Variants in IL1RAPL1 observed in about 807,000 individuals in gnomAD.
The protein encoded by IL1RAPL1 is interleukin 1 receptor accessory protein like 1, also known as interleukin-1 receptor accessory protein-like 1.
A neutral mutation model predicts 48.4 loss-of-function variants in IL1RAPL1; 3 were observed. The ratio of observed to expected loss-of-function variants is 0.06; its 90% CI spans 0.03 to 0.16. The LOEUF (loss-of-function observed/expected upper bound fraction) is 0.16, where lower values mean the gene tolerates loss of function less well. IL1RAPL1 is among the 10% of genes least tolerant of loss of function. The probability of loss-of-function intolerance (pLI) is 1.00; values close to 1 mark genes in which losing one functional copy is unlikely to be tolerated. For synonymous variants in IL1RAPL1, 185 were observed against 187.7 expected (o/e 0.99, Z 0.12); for missense variants, 349 against 530.6 (o/e 0.66, Z 3.36).
intron 2 of IL1RAPL1, among the ~76,000 whole-genome samples, chrX:29,159,412 C>G (rs1196968250): frequency 9.0e-6 from 1 of 111,547 alleles, no homozygotes; most frequent in Non-Finnish European, 1.9e-5. Context: ...TGCAGATATT[C>G]AATCTAGAGT....
chrX:28,807,535 A>G lies in IL1RAPL1; in HGVS notation c.82+18110A>G, dbSNP rs755823533. ...TATAATGAATTTCATTTGTGCAGTT[A>G]TTTTAATTTTTGATTACACTTTTTG... On this transcript the variant is annotated intron_variant, in intron 2 of 10. Transcript: ENST00000378993. 4.2e-4 allele frequency among the ~76,000 whole-genome samples: 47 copies of G among 111,407 alleles called. 1 individual carries two copies. The highest frequency in any genetic ancestry group is 5.8e-4 in the Admixed American group (6 of 10,419).
At chrX:29,480,808 TTAATGTTATTAACATAA>T (rs1466764159) in intron 5 of IL1RAPL1, among the ~76,000 whole-genome samples, 1 of 111,470 alleles carries the variant, frequency 9.0e-6, no homozygotes, top group Non-Finnish European at 1.9e-5. Context: ...TACATAATAG[TTAATGTTATTAACATAA>T]TAGTTTGCTA....
intron 3 of IL1RAPL1, among the ~76,000 whole-genome samples, chrX:29,337,957 G>C (rs1432607636): frequency 8.9e-6 from 1 of 111,900 alleles, no homozygotes; most frequent in Non-Finnish European, 1.9e-5. Flanking sequence ...TTACAGGCGT[G>C]AGCCACTGCA....
rs144136891 is a variant in IL1RAPL1, at chrX:29,016,842, T to A, written c.82+227417T>A. 2.6e-3 allele frequency among the ~76,000 whole-genome samples: 291 copies of A among 111,380 alleles called. 1 individual carries two copies. Among genetic ancestry groups the A allele is most frequent in the Middle Eastern group, 9.3e-3 (2 of 215 alleles). ...ATGCATATATTGTGCAGTGGTGAAG[T>A]CCACGCAGAGTAAAACATATATACA... On this transcript the variant is annotated intron_variant, in intron 2 of 10. Coordinates refer to ENST00000378993, the MANE Select transcript of IL1RAPL1 (RefSeq NM_014271.4).
intron 2 of IL1RAPL1, among the ~76,000 whole-genome samples, chrX:29,200,458 C>A (rs991651418): frequency 5.4e-5 from 6 of 111,950 alleles, no homozygotes; most frequent in Non-Finnish European, 3.8e-5. Flanking sequence ...TATTTGGCAT[C>A]TTTGAATATA....
chrX:28,626,936 A>C (rs537934237), intron 1 of IL1RAPL1, among the ~76,000 whole-genome samples: 7 of 112,106 alleles, frequency 6.2e-5, no homozygotes, highest in Admixed American at 1.9e-4. Context: ...TAGATTAATA[A>C]CTGGCTTAAA....
At chrX:29,840,526 A>G in intron 6 of IL1RAPL1, among the ~76,000 whole-genome samples, 2 of 112,304 alleles carry the variant, frequency 1.8e-5, no homozygotes, top group South Asian at 7.4e-4. Context: ...AATAAAAAAT[A>G]TATTTCACCA....
intron 2 of IL1RAPL1, among the ~76,000 whole-genome samples, chrX:28,990,660 G>A (rs1166357284): frequency 1.8e-5 from 2 of 111,463 alleles, no homozygotes; most frequent in Admixed American, 1.9e-4. Context: ...GCCAGTGACC[G>A]TCTGTTGAGA....
intron 2 of IL1RAPL1, among the ~76,000 whole-genome samples, chrX:29,087,519 G>A (rs1250197396): frequency 9.9e-5 from 11 of 111,357 alleles, no homozygotes; most frequent in African/African-American, 3.6e-4. Context: ...GAGACCAAGG[G>A]TTTGTTGCTA....
chrX:29,226,021 GGT>G (rs967444015), intron 2 of IL1RAPL1, among the ~76,000 whole-genome samples: 1 of 111,516 alleles, frequency 9.0e-6, no homozygotes, highest in African/African-American at 3.3e-5. Context: ...ACTCCCAGGT[GGT>G]GTCAATGCCA....
chrX:29,076,794 G>GTCTATCTATCTATCTA (rs770331923), intron 2 of IL1RAPL1, among the ~76,000 whole-genome samples: 4 of 34,681 alleles, frequency 1.2e-4, no homozygotes, highest in South Asian at 1.7e-3. Context: ...CTGTCTGTCT[G>GTCTATCTATCTATCTA]TCTGTCTGTC....
intron 1 of IL1RAPL1, among the ~76,000 whole-genome samples, chrX:28,600,208 A>G (rs759838298): frequency 2.3e-4 from 26 of 112,197 alleles, no homozygotes; most frequent in Non-Finnish European, 1.7e-4. Flanking sequence ...GTGAAATCGT[A>G]AACATTTGTT....
At chrX:29,435,623 G>A (rs1488171946) in intron 5 of IL1RAPL1, among the ~76,000 whole-genome samples, 1 of 110,273 alleles carries the variant, frequency 9.1e-6, no homozygotes, top group Non-Finnish European at 1.9e-5. Flanking sequence ...AATTGCTAAG[G>A]TCAAAATTAT....
chrX:29,697,656 C>A (rs1926948765), intron 6 of IL1RAPL1, among the ~76,000 whole-genome samples: 2 of 112,131 alleles, frequency 1.8e-5, no homozygotes, highest in Admixed American at 1.9e-4. Context: ...ATTTAAAGTC[C>A]TCCTTACAGT....
At position 29,802,795 on chromosome X, in the gene IL1RAPL1, A is replaced by ACATG. The variant is rs1929971939; in HGVS notation, c.779-114669_779-114668insCATG. ...TATATATATATATGTGTGTGTGTAT[A>ACATG]TATATATATATATATGTGTGTATAT... On this transcript the variant is annotated intron_variant, in intron 6 of 10. Transcript: ENST00000378993. Among the ~76,000 whole-genome samples the ACATG allele has an allele frequency of 1.6e-4, 8 of 51,442 alleles. 1 individual carries two copies. Among genetic ancestry groups the ACATG allele is most frequent in the African/African-American group, 8.0e-4 (6 of 7,499 alleles). The allele number at this position is 51,442 out of a possible 115,157, so 44.7% of individuals were successfully genotyped here. A position where few individuals can be genotyped will look rare whatever the true frequency, so the allele number is the denominator to read the frequency against.
chrX:29,056,827 A>G (rs1927225983), intron 2 of IL1RAPL1, among the ~76,000 whole-genome samples: 1 of 112,028 alleles, frequency 8.9e-6, no homozygotes, highest in South Asian at 3.7e-4. Flanking sequence ...CTTAAAAATT[A>G]TTTGTTATTT....
At chrX:28,768,697 CTCTGTT>C (rs1394535747) in intron 1 of IL1RAPL1, among the ~76,000 whole-genome samples, 1 of 74,032 alleles carries the variant, frequency 1.4e-5, no homozygotes, top group Admixed American at 1.7e-4. Context: ...CTCTCTCTCT[CTCTGTT>C]TCTCTCTCTC....
At chrX:29,823,034 A>T (rs767386173) in intron 6 of IL1RAPL1, among the ~76,000 whole-genome samples, 1 of 112,186 alleles carries the variant, frequency 8.9e-6, no homozygotes, top group Non-Finnish European at 1.9e-5. Context: ...ATTTAATTGG[A>T]CATAGTCTCC....
At chrX:28,640,614 G>A (rs1022266978) in intron 1 of IL1RAPL1, among the ~76,000 whole-genome samples, 1 of 109,396 alleles carries the variant, frequency 9.1e-6, no homozygotes, top group Non-Finnish European at 1.9e-5. Flanking sequence ...GCGTCCCAAA[G>A]TGCTAGGATC....
Sources: allele counts gnomAD v4.1 joint callset (sites outside exome capture counted in the v4.1 genomes callset), GRCh38; gene constraint gnomAD v4.1.1; transcripts MANE v1.5; gene names NCBI Gene and HGNC (gene_info 2026-07-23, HGNC 2026-07-21).